MTHFS: variants seen among roughly 807,000 people sequenced by gnomAD.
MTHFS encodes 5-formyltetrahydrofolate cyclo-ligase.
In MTHFS, 7 loss-of-function variants were observed where a neutral mutation model predicts 12.7. That is an observed-to-expected ratio of 0.55 (90% CI 0.31 to 1.03). The LOEUF (loss-of-function observed/expected upper bound fraction) is 1.03, where lower values mean the gene tolerates loss of function less well. Ranked by LOEUF, MTHFS falls within the 50% of genes least tolerant of loss-of-function variation. The pLI, the probability that MTHFS is intolerant of heterozygous loss-of-function variation, is 0.05. For synonymous variants in MTHFS, 100 were observed against 97.1 expected, an observed-to-expected ratio of 1.03 and a Z score of -0.18; for missense variants, 252 against 258.1, an observed-to-expected ratio of 0.98 and a Z score of 0.16.
intron 2 of MTHFS, among the ~76,000 whole-genome samples, chr15:79,868,501 A>G (rs2034049922): frequency 6.6e-6 from 1 of 152,246 alleles, no homozygotes; most frequent in Non-Finnish European, 1.5e-5. Flanking sequence ...TTGGGCCAAC[A>G]GGTGCCCAGA....
In MTHFS at chr15:79,889,128, C is replaced by T. The variant is rs745560155; in HGVS notation, c.344G>A (p.Gly115Asp). ...GGCCTCCTCCCGAACATCACCCTCACCAGGCTGAGGGATATTCCAGGATGT... is the reference window on the plus strand; with the variant it reads ...GGCCTCCTCCCGAACATCACCCTCATCAGGCTGAGGGATATTCCAGGATGT... Reference protein sequence around the residue: ...PKTSWNIPQPGEGDVREEALS... With the variant: ...PKTSWNIPQPDEGDVREEALS... Residue 115 changes from glycine to aspartate, a missense_variant, in exon 2 of 3, where the codon GGT becomes GAT. Physicochemically the swap from Gly to Asp is moderately conservative, Grantham distance 94. Transcript: ENST00000258874. 19 of 1,614,182 alleles carry T rather than the reference C, an allele frequency of 1.2e-5. No individual in the cohort carries two copies. The South Asian group carries it at 1.2e-4, about 10-fold the overall frequency.
chr15:79,882,856 T>TC (rs1262667022), intron 2 of MTHFS, among the ~76,000 whole-genome samples: 4 of 152,186 alleles, frequency 2.6e-5, no homozygotes, highest in Non-Finnish European at 5.9e-5. Flanking sequence ...TCAAGGTTAT[T>TC]CCCCCAGGCA....
At chr15:79,868,646 T>G (rs1430887800) in intron 2 of MTHFS, among the ~76,000 whole-genome samples, 1 of 152,168 alleles carries the variant, frequency 6.6e-6, no homozygotes, top group African/African-American at 2.4e-5. Context: ...AAGAAGGAAT[T>G]TGTCCCTTCT....
intron 1 of MTHFS, among the ~76,000 whole-genome samples, chr15:79,890,465 C>A (rs1415672160): frequency 1.3e-5 from 2 of 151,946 alleles, no homozygotes; most frequent in Non-Finnish European, 2.9e-5. Context: ...CTGAGCTCAA[C>A]TGATCCACCC....
chr15:79,849,052 C>A (rs879510794), intron 2 of MTHFS, among the ~76,000 whole-genome samples: 1 of 152,118 alleles, frequency 6.6e-6, no homozygotes, highest in Non-Finnish European at 1.5e-5. Context: ...ATGAGTTTTA[C>A]ACTTGAGAAG....
At chr15:79,854,613 A>G (rs553901514) in intron 2 of MTHFS, among the ~76,000 whole-genome samples, 1 of 152,136 alleles carries the variant, frequency 6.6e-6, no homozygotes, top group Non-Finnish European at 1.5e-5. Context: ...GCTTATTTTT[A>G]ATTTATTCTT....
chr15:79,897,036 C>T, upstream of MTHFS: 2 of 1,483,990 alleles, frequency 1.3e-6, no homozygotes, highest in South Asian at 1.3e-5. Flanking sequence ...CCTGGGCGCC[C>T]TCGGGTTCGG....
Position 79,866,157 on chromosome 15 carries a change from A to G in MTHFS, c.380-20715T>C, listed in dbSNP as rs1481766102. ...GCTAATGGCTAAGAACAAATCCAGC[A>G]GCAGGAATATGTCCAGTTCTCATGA... On this transcript the variant is annotated intron_variant, in intron 2 of 2. Transcript: ENST00000258874. Among the ~76,000 whole-genome samples, 3 of 152,124 alleles carry G rather than the reference A, an allele frequency of 2.0e-5. No homozygotes were observed. In the East Asian group the frequency reaches 5.8e-4, roughly 29 times the overall value.
At chr15:79,879,879 T>G (rs1209021878) in intron 2 of MTHFS, among the ~76,000 whole-genome samples, 1 of 152,224 alleles carries the variant, frequency 6.6e-6, no homozygotes, top group East Asian at 1.9e-4. Context: ...ATCACAGGAC[T>G]TCTTACAAGT....
intron 1 of MTHFS, among the ~76,000 whole-genome samples, chr15:79,894,122 C>A (rs1011541620): frequency 1.3e-5 from 2 of 152,286 alleles, no homozygotes; most frequent in South Asian, 2.1e-4. Flanking sequence ...CAGTGGCTCA[C>A]GCCTGTAATC....
At position 79,845,379 on chromosome 15, in the gene MTHFS, C is replaced by T. The variant is rs1303031777; in HGVS notation, c.443G>A (p.Arg148Lys). ...ATAGGCATCATAGTAGCCCTTGCCC[C>T]TCCCCAGTCGGTTGCCATGTTTGTC... Reference protein sequence around the residue: ...GFDKHGNRLGRGKGYYDAYLK... With the variant: ...GFDKHGNRLGKGKGYYDAYLK... The change falls in exon 3 of 3, where the codon AGG (arginine) becomes AAG (lysine). Residue 148 changes from arginine (R) to lysine (K), a missense_variant. By Grantham distance (26) the Arg-to-Lys change is conservative. Transcript: ENST00000258874. 6.2e-7 allele frequency: 1 copy of T among 1,614,164 alleles called. No homozygotes were observed. Among genetic ancestry groups the T allele is most frequent in the Admixed American group, 1.7e-5 (1 of 60,012 alleles).
chr15:79,865,813 G>A (rs781241208), intron 2 of MTHFS, among the ~76,000 whole-genome samples: 36 of 152,256 alleles, frequency 2.4e-4, no homozygotes, highest in African/African-American at 6.5e-4. Flanking sequence ...AGCTCCCTCC[G>A]GCAGGTGCCT....
rs1397547215 is a variant in MTHFS at position 79,850,223 on chromosome 15, AG to A, written c.380-4782del. Among the ~76,000 whole-genome samples the A allele has an allele frequency of 2.0e-5, 3 of 152,358 alleles. No individual in the cohort carries two copies. The East Asian group carries it at 5.8e-4, about 29-fold the overall frequency. ...ATTTCTTGAACCAGGTAGCAGGGAA[AG>A]GGGTATAGTTTCTCCAATATTTCAA... On this transcript the variant is annotated intron_variant, in intron 2 of 2. Coordinates refer to ENST00000258874, the MANE Select transcript of MTHFS (RefSeq NM_006441.4).
chr15:79,851,466 A>G (rs1187278739), intron 2 of MTHFS, among the ~76,000 whole-genome samples: 1 of 152,170 alleles, frequency 6.6e-6, no homozygotes, highest in Non-Finnish European at 1.5e-5. Context: ...TGTTCAGATT[A>G]TCCTGTGAGA....
At chr15:79,859,073 A>G (rs540540525) in intron 2 of MTHFS, among the ~76,000 whole-genome samples, 152 of 152,364 alleles carry the variant, frequency 1.0e-3, no homozygotes, top group African/African-American at 3.5e-3. Flanking sequence ...GGAACACAGC[A>G]AAGTCCTGGA....
chr15:79,848,676 G>A (rs1040537572), intron 2 of MTHFS, among the ~76,000 whole-genome samples: 6 of 152,272 alleles, frequency 3.9e-5, no homozygotes, highest in African/African-American at 7.2e-5. Flanking sequence ...AGAAAACAAC[G>A]TTCTCAAATC....
rs182374830 is a variant in MTHFS at position 79,867,322 on chromosome 15, T to C, written c.379+21771A>G. Among the ~76,000 whole-genome samples the C allele has an allele frequency of 1.0e-3, 157 of 150,880 alleles. 1 individual carries two copies. Among genetic ancestry groups the C allele is most frequent in the Admixed American group, 2.7e-3 (41 of 15,136 alleles). On this transcript the variant is annotated intron_variant, in intron 2 of 2. Coordinates refer to ENST00000258874, the MANE Select transcript of MTHFS (RefSeq NM_006441.4). ...GAGGTGATTTTAGAAAGCCAAACTC[T>C]CAGTGGAGTAAAATCAATATGCTCT...
At chr15:79,873,524 T>C (rs991328400) in intron 2 of MTHFS, among the ~76,000 whole-genome samples, 1 of 151,908 alleles carries the variant, frequency 6.6e-6, no homozygotes, top group Admixed American at 6.6e-5. Flanking sequence ...CCTTTTGCAA[T>C]GATGGTAAGA....
In MTHFS at chr15:79,865,000, C is replaced by A. The variant is rs2033985230; in HGVS notation, c.380-19558G>T. Among the ~76,000 whole-genome samples, 3 of 152,270 alleles carry A rather than the reference C, an allele frequency of 2.0e-5. 1 individual carries two copies. Among genetic ancestry groups the A allele is most frequent in the African/African-American group, 7.2e-5 (3 of 41,570 alleles). ...CAAAAAAATAAACGTTCACTCCAGG[C>A]AAACTTCCAAATATTGTGATGTGTT... On this transcript the variant is annotated intron_variant, in intron 2 of 2. Coordinates refer to ENST00000258874, the MANE Select transcript of MTHFS (RefSeq NM_006441.4).
Sources: allele counts gnomAD v4.1 joint callset (sites outside exome capture counted in the v4.1 genomes callset), GRCh38; gene constraint gnomAD v4.1.1; transcripts MANE v1.5; gene names NCBI Gene and HGNC (gene_info 2026-07-23, HGNC 2026-07-21).